Variants in SLC8B1 observed in about 807,000 individuals in gnomAD.
SLC8B1 encodes the protein mitochondrial sodium/calcium exchanger protein.
Under a neutral mutation model 63.4 loss-of-function variants are expected in SLC8B1, and 52 were observed. That is an observed-to-expected ratio of 0.82 (90% confidence interval 0.66 to 1.03). The LOEUF (loss-of-function observed/expected upper bound fraction) is 1.03, where lower values mean the gene tolerates loss of function less well. Ranked by LOEUF, SLC8B1 falls within the 50% of genes least tolerant of loss-of-function variation. The pLI, the probability that SLC8B1 is intolerant of heterozygous loss-of-function variation, is 0.00. For synonymous variants in SLC8B1, 336 were observed against 323.9 expected (o/e 1.04, Z -0.40); for missense variants, 657 against 741.7 (o/e 0.89, Z 1.33).
At chr12:113,307,031 A>T (rs972982470) in intron 13 of SLC8B1, among the ~76,000 whole-genome samples, 2 of 144,866 alleles carry the variant, frequency 1.4e-5, no homozygotes, top group African/African-American at 5.1e-5. Flanking sequence ...GAACTGCTTA[A>T]ACCTGGGAGG....
rs773782912 is a variant in SLC8B1 at position 113,320,611 on chromosome 12, T to C, written c.496A>G (p.Thr166Ala). The C allele has an allele frequency of 6.2e-7, 1 of 1,614,116 alleles. No individual in the cohort carries two copies. The highest frequency in any genetic ancestry group is 8.5e-7 in the Non-Finnish European group (1 of 1,180,020). Residue 166 changes from threonine (T) to alanine (A), a missense_variant, in exon 6 of 16, where the codon ACA (threonine) becomes GCA (alanine). Coordinates refer to ENST00000680972, the MANE Select transcript of SLC8B1 (RefSeq NM_001358345.2). The surrounding 1 kb of genome is among the most constrained non-coding windows in gnomAD (Gnocchi z 5.3). ...AGTGCCCCAAGGGCCAGGCCGGCTG[T>C]GTGCGGGTCAGAGAAGGCCACCAGG... ...SALVAFSDPH[T>A]AGLALGALFG...
intron 11 of SLC8B1, among the ~76,000 whole-genome samples, chr12:113,310,853 G>T (rs1566229369): frequency 6.6e-6 from 1 of 152,192 alleles, no homozygotes. Context: ...GACACCCTAA[G>T]GTGAGAACAC....
chr12:113,314,921 G>C (rs1011724044), intron 11 of SLC8B1, among the ~76,000 whole-genome samples: 1 of 152,200 alleles, frequency 6.6e-6, no homozygotes, highest in African/African-American at 2.4e-5. Flanking sequence ...TATGGCACAA[G>C]CGCATAGTAA....
intron 2 of SLC8B1, among the ~76,000 whole-genome samples, chr12:113,323,400 G>C (rs1349444465): frequency 6.6e-6 from 1 of 152,118 alleles, no homozygotes; most frequent in Non-Finnish European, 1.5e-5. Flanking sequence ...CAATGTGATA[G>C]GAATGTCATT....
intron 2 of SLC8B1, among the ~76,000 whole-genome samples, chr12:113,328,988 T>C (rs1448106907): frequency 6.6e-6 from 1 of 152,092 alleles, no homozygotes; most frequent in Non-Finnish European, 1.5e-5. Context: ...TGGCCTGAAG[T>C]GATCCACCTG....
chr12:113,324,185 C>T (rs1040748251), intron 2 of SLC8B1, among the ~76,000 whole-genome samples: 4 of 151,988 alleles, frequency 2.6e-5, no homozygotes, highest in East Asian at 1.9e-4. Flanking sequence ...TGGTGGCACA[C>T]GCCTGTGGTT....
intron 2 of SLC8B1, among the ~76,000 whole-genome samples, chr12:113,322,392 A>G (rs915417792): frequency 3.3e-5 from 5 of 152,126 alleles, no homozygotes; most frequent in African/African-American, 1.2e-4. Flanking sequence ...AGAGTATTTC[A>G]TACTATGGGT....
In SLC8B1 at chr12:113,299,159, T is replaced by C. The variant is rs916938114; in HGVS notation, c.*618A>G. The C allele has an allele frequency of 1.9e-5, 3 of 154,060 alleles. No individual in the cohort carries two copies. The highest frequency in any genetic ancestry group is 7.2e-5 in the African/African-American group (3 of 41,464). 9.5% of individuals were successfully genotyped at this position (154,060 alleles called of 1,614,324 possible). A position where few individuals can be genotyped will look rare whatever the true frequency, so the allele number is the denominator to read the frequency against. On this transcript the variant is annotated 3_prime_UTR_variant, in exon 16 of 16. Coordinates refer to ENST00000680972, the MANE Select transcript of SLC8B1 (RefSeq NM_001358345.2). ...TGGCATCGTTTTGGAAGCAAGTGGGTTCAGTGAAGTGTGTTGCCACGAATA... is the reference window on the plus strand; with the variant it reads ...TGGCATCGTTTTGGAAGCAAGTGGGCTCAGTGAAGTGTGTTGCCACGAATA...
At chr12:113,316,482 G>A in intron 10 of SLC8B1, 44 bp downstream of exon 10, 1 of 1,602,286 alleles carries the variant, frequency 6.2e-7, no homozygotes, top group Non-Finnish European at 8.5e-7. Flanking sequence ...CCACTGTCTT[G>A]CTGCTGTCAG....
In SLC8B1 at chr12:113,304,341, G is replaced by C. The variant is rs779271803; in HGVS notation, c.1537C>G (p.Arg513Gly). The C allele has an allele frequency of 1.2e-6, 2 of 1,613,918 alleles. No homozygotes were observed. The highest frequency in any genetic ancestry group is 1.7e-6 in the Non-Finnish European group (2 of 1,179,906). Reference sequence around the variant, plus strand: ...CTCACCTTCACTTCTGTGTGGCTTCGGGAGATCTGGAGCAGGCAGCCCAGC... The same window carrying C: ...CTCACCTTCACTTCTGTGTGGCTTCCGGAGATCTGGAGCAGGCAGCCCAGC... ...VGLGCLLQIS[R>G]SHTEVKLEPD... Residue 513 changes from arginine (R) to glycine (G), a missense_variant, in exon 15 of 16, where the codon CGA (arginine) becomes GGA (glycine). Arg to Gly is a moderately radical substitution (Grantham distance 125). Coordinates refer to ENST00000680972, the MANE Select transcript of SLC8B1 (RefSeq NM_001358345.2).
At chr12:113,311,279 G>A (rs573128314) in intron 11 of SLC8B1, among the ~76,000 whole-genome samples, 6 of 152,152 alleles carry the variant, frequency 3.9e-5, no homozygotes, top group Non-Finnish European at 7.3e-5. Flanking sequence ...GCGAAACCCC[G>A]TCTCTACTAA....
intron 12 of SLC8B1, 112 bp from the exon 13 acceptor site, chr12:113,307,956 A>G (rs1956699215): frequency 7.6e-7 from 1 of 1,317,768 alleles, no homozygotes. Flanking sequence ...TGAGCTTATT[A>G]TGAGTATAAA....
At chr12:113,330,552 G>C (rs1340176685) in intron 2 of SLC8B1, among the ~76,000 whole-genome samples, 3 of 152,194 alleles carry the variant, frequency 2.0e-5, no homozygotes, top group Admixed American at 6.5e-5. Flanking sequence ...TGGGCACAAG[G>C]CTGATCTAAG....
At chr12:113,311,641 T>C (rs1217902578) in intron 11 of SLC8B1, among the ~76,000 whole-genome samples, 1 of 147,836 alleles carries the variant, frequency 6.8e-6, no homozygotes, top group Admixed American at 6.8e-5. Flanking sequence ...ATTATGTGAG[T>C]GGGCTGAATA....
At chr12:113,324,296 G>C (rs1267343581) in intron 2 of SLC8B1, among the ~76,000 whole-genome samples, 6 of 148,024 alleles carry the variant, frequency 4.1e-5, no homozygotes, top group Non-Finnish European at 8.9e-5. Context: ...CTGGGTGACA[G>C]AGCAAGCCTG....
intron 11 of SLC8B1, among the ~76,000 whole-genome samples, chr12:113,314,508 TG>T (rs1956808324): frequency 6.6e-6 from 1 of 152,210 alleles, no homozygotes; most frequent in South Asian, 2.1e-4. Flanking sequence ...TGGACAAGCC[TG>T]GGCGTTTCCT....
chr12:113,314,126 T>C (rs887503181), intron 11 of SLC8B1, among the ~76,000 whole-genome samples: 3 of 152,244 alleles, frequency 2.0e-5, no homozygotes, highest in Admixed American at 1.3e-4. Context: ...CCGTAGAGAA[T>C]GGATGGAGAA....
chr12:113,327,554 G>A (rs569590634), intron 2 of SLC8B1, among the ~76,000 whole-genome samples: 5 of 151,644 alleles, frequency 3.3e-5, no homozygotes, highest in Admixed American at 6.6e-5. Context: ...GCACGGTGGC[G>A]TGTGCCTGTG....
At chr12:113,300,052 G>A in intron 15 of SLC8B1, 78 bp from the exon 16 acceptor site, 2 of 1,323,588 alleles carry the variant, frequency 1.5e-6, no homozygotes, top group Admixed American at 3.9e-5. Flanking sequence ...ACACAACAAT[G>A]CAGCCTCAAC....
Sources: gnomAD v4.1 joint callset for allele counts (sites outside exome capture counted in the v4.1 genomes callset) on GRCh38, gnomAD v4.1.1 for gene constraint, Gnocchi (gnomAD v3.1) non-coding constraint, MANE v1.5 for transcripts, NCBI Gene and HGNC (gene_info 2026-07-23, HGNC 2026-07-21) for gene names.